Variants in SLC8A1 observed in about 807,000 individuals in gnomAD.
SLC8A1 encodes the protein sodium/calcium exchanger 1.
Under a neutral mutation model 68.3 loss-of-function variants are expected in SLC8A1, and 18 were observed. The ratio of observed to expected loss-of-function variants is 0.26; its 90% CI spans 0.18 to 0.39. The LOEUF (loss-of-function observed/expected upper bound fraction) is 0.39. SLC8A1 is among the 10% of genes least tolerant of loss of function. The probability of loss-of-function intolerance (pLI) is 1.00; values close to 1 mark genes in which losing one functional copy is unlikely to be tolerated. For missense variants in SLC8A1, 985 were observed against 1,156.7 expected (o/e 0.85, Z 2.15); for synonymous variants, 475 against 415.5 (o/e 1.14, Z -1.74).
chr2:40,283,191 C>T (rs939827181), intron 2 of SLC8A1, among the ~76,000 whole-genome samples: 2 of 152,084 alleles, frequency 1.3e-5, no homozygotes, highest in Non-Finnish European at 2.9e-5. Context: ...CCTTTTTGTT[C>T]TCTAATGAGA....
chr2:40,406,470 T>C (rs1203024534), intron 2 of SLC8A1, among the ~76,000 whole-genome samples: 4 of 152,204 alleles, frequency 2.6e-5, no homozygotes, highest in African/African-American at 9.6e-5. Flanking sequence ...TTTCAAAACT[T>C]CTAAATGGGT....
At chr2:40,247,538 T>A (rs28421555) in intron 2 of SLC8A1, among the ~76,000 whole-genome samples, 92 of 152,098 alleles carry the variant, frequency 6.0e-4, no homozygotes, top group African/African-American at 2.1e-3. Context: ...GAGCACCAGA[T>A]GGTGTTACAA....
intron 2 of SLC8A1, among the ~76,000 whole-genome samples, chr2:40,416,660 G>A (rs1693978135): frequency 6.6e-6 from 1 of 152,040 alleles, no homozygotes; most frequent in African/African-American, 2.4e-5. Flanking sequence ...CTCACCCAAA[G>A]CTGCTGGTCT....
At chr2:40,436,515 C>T (rs1170448584) in intron 1 of SLC8A1, among the ~76,000 whole-genome samples, 4 of 152,064 alleles carry the variant, frequency 2.6e-5, no homozygotes, top group African/African-American at 7.2e-5. Flanking sequence ...GCACCTGGGC[C>T]CTGACATTTT....
chr2:40,336,876 C>A (rs188411458), intron 2 of SLC8A1, among the ~76,000 whole-genome samples: 2 of 152,100 alleles, frequency 1.3e-5, no homozygotes, highest in Admixed American at 1.3e-4. Context: ...TGAATTAACT[C>A]CCTGAGCCAC....
intron 2 of SLC8A1, among the ~76,000 whole-genome samples, chr2:40,317,643 T>A (rs1261213720): frequency 6.6e-6 from 1 of 152,110 alleles, no homozygotes; most frequent in East Asian, 1.9e-4. Context: ...ATTGTGCTTT[T>A]TTTTAAAGAT....
At chr2:40,456,038 T>G (rs1702988682), upstream of SLC8A1, among the ~76,000 whole-genome samples, 1 of 150,024 alleles carries the variant, frequency 6.7e-6, no homozygotes, top group African/African-American at 2.5e-5. Context: ...GGGTTTGGGC[T>G]GGGCGCGGTG....
chr2:40,173,210 C>G (rs936087788), intron 4 of SLC8A1, among the ~76,000 whole-genome samples: 2 of 152,002 alleles, frequency 1.3e-5, no homozygotes, highest in African/African-American at 4.8e-5. Context: ...CTCATTTATC[C>G]TTGGGTGATA....
intron 2 of SLC8A1, among the ~76,000 whole-genome samples, chr2:40,423,686 G>A (rs1442817858): frequency 6.6e-6 from 1 of 151,908 alleles, no homozygotes; most frequent in East Asian, 1.9e-4. Context: ...GGAAAAATAA[G>A]ATTATAATAG....
chr2:40,168,714 C>T (rs1558600880), intron 4 of SLC8A1, among the ~76,000 whole-genome samples: 1 of 152,222 alleles, frequency 6.6e-6, no homozygotes, highest in South Asian at 2.1e-4. Flanking sequence ...GATCATTTTA[C>T]TATGGTTGAG....
chr2:40,169,485 T>A (rs1227441989), intron 4 of SLC8A1, among the ~76,000 whole-genome samples: 1 of 152,134 alleles, frequency 6.6e-6, no homozygotes, highest in Non-Finnish European at 1.5e-5. Flanking sequence ...CTGTATTAGA[T>A]CTGGGATAGC....
chr2:40,367,901 A>T (rs977903243), intron 2 of SLC8A1, among the ~76,000 whole-genome samples: 1 of 152,114 alleles, frequency 6.6e-6, no homozygotes, highest in African/African-American at 2.4e-5. Context: ...GTAGCATGCC[A>T]GGTCTTCCAT....
At chr2:40,239,937 C>G (rs1425777737) in intron 2 of SLC8A1, among the ~76,000 whole-genome samples, 1 of 152,172 alleles carries the variant, frequency 6.6e-6, no homozygotes, top group Non-Finnish European at 1.5e-5. Context: ...GAGTAGTTTT[C>G]TCAATTTGTA....
At chr2:40,195,634 T>A (rs907555015) in intron 2 of SLC8A1, 3 of 152,064 alleles carry the variant, frequency 2.0e-5, no homozygotes, top group Non-Finnish European at 4.4e-5. Context: ...AGAAAGATAA[T>A]AATATGGGAG....
chr2:40,266,847 C>T (rs574636457), intron 2 of SLC8A1, among the ~76,000 whole-genome samples: 2 of 152,150 alleles, frequency 1.3e-5, no homozygotes, highest in Non-Finnish European at 2.9e-5. Context: ...TCTGCTTCCA[C>T]CCCAAGTTGG....
intron 2 of SLC8A1, among the ~76,000 whole-genome samples, chr2:40,390,628 C>T (rs1230684082): frequency 6.6e-6 from 1 of 152,098 alleles, no homozygotes; most frequent in Non-Finnish European, 1.5e-5. Context: ...TGAGGAACCA[C>T]CATCTTATCC....
chr2:40,342,304 A>C (rs1220214937), intron 2 of SLC8A1, among the ~76,000 whole-genome samples: 1 of 152,150 alleles, frequency 6.6e-6, no homozygotes, highest in African/African-American at 2.4e-5. Context: ...TGGCCTTACC[A>C]TCTTACTGGA....
chr2:40,327,461 C>A (rs1300129696), intron 2 of SLC8A1, among the ~76,000 whole-genome samples: 1 of 152,140 alleles, frequency 6.6e-6, no homozygotes, highest in Non-Finnish European at 1.5e-5. Flanking sequence ...CCAAATTTCG[C>A]AGCATAGCTT....
chr2:40,448,269 G>A (rs1222051878), intron 1 of SLC8A1, among the ~76,000 whole-genome samples: 1 of 152,106 alleles, frequency 6.6e-6, no homozygotes, highest in Non-Finnish European at 1.5e-5. Flanking sequence ...GTGACAGAGT[G>A]GGGAGGCCAG....
Sources: gnomAD v4.1 joint callset for allele counts (sites outside exome capture counted in the v4.1 genomes callset) on GRCh38, gnomAD v4.1.1 for gene constraint, MANE v1.5 for transcripts, NCBI Gene and HGNC (gene_info 2026-07-23, HGNC 2026-07-21) for gene names.